The following BRIP1 variants were observed in gnomAD, a reference collection of about 807,000 sequenced individuals.
The protein encoded by BRIP1 is Fanconi anemia group J protein.
BRIP1 carries 88 observed loss-of-function variants against 119.7 expected under a neutral mutation model. The ratio of observed to expected loss-of-function variants is 0.74; its 90% CI spans 0.62 to 0.88. The LOEUF (loss-of-function observed/expected upper bound fraction) is 0.88, where lower values mean the gene tolerates loss of function less well. Ranked by LOEUF, BRIP1 falls within the 40% of genes least tolerant of loss-of-function variation. The pLI, the probability that BRIP1 is intolerant of heterozygous loss-of-function variation, is 0.00. For synonymous variants in BRIP1, 443 were observed against 496.5 expected, an observed-to-expected ratio of 0.89 and a Z score of 1.43; for missense variants, 1,259 against 1,455.4, an observed-to-expected ratio of 0.87 and a Z score of 2.20.
chr17:61,765,518 C>T (rs1408946777), intron 14 of BRIP1, among the ~76,000 whole-genome samples: 2 of 135,904 alleles, frequency 1.5e-5, no homozygotes, highest in African/African-American at 5.6e-5. Context: ...TCACTGCAAC[C>T]TCCGCCTCCT....
At chr17:61,765,352 GTA>G (rs1220237563) in intron 14 of BRIP1, among the ~76,000 whole-genome samples, 2 of 40,896 alleles carry the variant, frequency 4.9e-5, no homozygotes, top group Non-Finnish European at 8.8e-5. Context: ...ACATACATAT[GTA>G]TGTGTGTGTG....
intron 17 of BRIP1, among the ~76,000 whole-genome samples, chr17:61,696,410 ATCT>A (rs922543325): frequency 6.6e-6 from 1 of 152,142 alleles, no homozygotes; most frequent in South Asian, 2.1e-4. Flanking sequence ...TTGCTGTACA[ATCT>A]TCTTTTCTCG....
At position 61,745,815 on chromosome 17, in the gene BRIP1, G is replaced by A. The variant is rs1252372594; in HGVS notation, c.2098-1224C>T. On this transcript the variant is annotated intron_variant, in intron 14 of 19. Coordinates refer to ENST00000259008, the MANE Select transcript of BRIP1 (RefSeq NM_032043.3). This position sits in a 1 kb window ranked among gnomAD's most constrained non-coding sequence, Gnocchi z 4.4. ...GGCAATACATGGAAATACATTTATA[G>A]CTTTAAATATATTTATTTTTAAAAT... Among the ~76,000 whole-genome samples the A allele has an allele frequency of 6.6e-6, 1 of 152,130 alleles. No homozygotes were observed. Among genetic ancestry groups the A allele is most frequent in the East Asian group, 1.9e-4 (1 of 5,208 alleles).
chr17:61,686,154 A>G lies in BRIP1; in HGVS notation c.2587T>C (p.Trp863Arg), dbSNP rs876660452. ...TGGTGCTGAATCTGCTGCCGTACCC[A>G]TTTAGAAAGTCCTAAAGAAAAAGGT... ...PSRYISGLSK[W>R]VRQQIQHHST... The change falls in exon 19 of 20, where the codon TGG (tryptophan) becomes CGG (arginine). Residue 863 changes from tryptophan to arginine, a missense_variant. Transcript: ENST00000259008. This position sits in a 1 kb window ranked among gnomAD's most constrained non-coding sequence, Gnocchi z 5.4. The G allele has an allele frequency of 6.2e-7, 1 of 1,614,080 alleles. No homozygotes were observed. Among genetic ancestry groups the G allele is most frequent in the Non-Finnish European group, 8.5e-7 (1 of 1,179,946 alleles).
rs2145492153 is a variant in BRIP1, at chr17:61,816,724, G to A, written c.628-7967C>T. Among the ~76,000 whole-genome samples the A allele has an allele frequency of 6.8e-6, 1 of 146,612 alleles. No individual in the cohort carries two copies. Among genetic ancestry groups the A allele is most frequent in the South Asian group, 2.2e-4 (1 of 4,508 alleles). On this transcript the variant is annotated intron_variant, in intron 6 of 19. Transcript: ENST00000259008. The surrounding 1 kb of genome is among the most constrained non-coding windows in gnomAD (Gnocchi z 5.0). ...GATGAGTCACACCGATCAACTTCAT[G>A]AGAAAAACCCAGGGTGTTTATAAAA... is the stretch of plus-strand genomic sequence containing the variant.
chr17:61,709,149 CT>C lies in BRIP1; in HGVS notation c.2492+6801del, dbSNP rs1023119529. On this transcript the variant is annotated intron_variant, in intron 17 of 19. Transcript: ENST00000259008. This position sits in a 1 kb window ranked among gnomAD's most constrained non-coding sequence, Gnocchi z 5.0. The stretch of plus-strand genomic sequence containing the variant: ...ATTTTAGATTGCTCCAAATCCTAGG[CT>C]TTTTCATGCATAAATCTGAAAGTGC... Among the ~76,000 whole-genome samples, 1 of 152,102 alleles carries C rather than the reference CT, an allele frequency of 6.6e-6. No individual in the cohort carries two copies. Among genetic ancestry groups the C allele is most frequent in the African/African-American group, 2.4e-5 (1 of 41,412 alleles).
chr17:61,851,028 G>A lies in BRIP1; in HGVS notation c.380-1772C>T, dbSNP rs1307241940. ...GGATCACCTGAGGCCAGGAGTTTGAGACCAGCCTGGCCAACGTGACGAAAG... is the reference window on the plus strand; with the variant it reads ...GGATCACCTGAGGCCAGGAGTTTGAAACCAGCCTGGCCAACGTGACGAAAG... On this transcript the variant is annotated intron_variant, in intron 4 of 19. Transcript: ENST00000259008. This position sits in a 1 kb window ranked among gnomAD's most constrained non-coding sequence, Gnocchi z 4.6. 6.6e-6 allele frequency among the ~76,000 whole-genome samples: 1 copy of A among 152,048 alleles called. No homozygotes were observed. The highest frequency in any genetic ancestry group is 1.9e-4 in the East Asian group (1 of 5,174).
intron 6 of BRIP1, among the ~76,000 whole-genome samples, chr17:61,837,306 G>C (rs971961349): frequency 4.6e-5 from 7 of 151,800 alleles, no homozygotes; most frequent in African/African-American, 1.7e-4. Flanking sequence ...AAAGAAAGAA[G>C]GGTAGGAAGG....
chr17:61,746,606 A>G lies in BRIP1; in HGVS notation c.2098-2015T>C, dbSNP rs1436715410. Among the ~76,000 whole-genome samples the G allele has an allele frequency of 6.6e-6, 1 of 152,130 alleles. No homozygotes were observed. The highest frequency in any genetic ancestry group is 1.9e-4 in the East Asian group (1 of 5,202). ...AAGAGACAAAAAAAAAGGACATTAT[A>G]TAATGATAAATGGGTCAATTCACTG... On this transcript the variant is annotated intron_variant, in intron 14 of 19. Coordinates refer to ENST00000259008, the MANE Select transcript of BRIP1 (RefSeq NM_032043.3). The surrounding 1 kb of genome is among the most constrained non-coding windows in gnomAD (Gnocchi z 4.9).
At position 61,834,024 on chromosome 17, in the gene BRIP1, C is replaced by T. The variant is rs2078532937; in HGVS notation, c.627+13077G>A. On this transcript the variant is annotated intron_variant, in intron 6 of 19. Transcript: ENST00000259008. This position sits in a 1 kb window ranked among gnomAD's most constrained non-coding sequence, Gnocchi z 4.4. Reference sequence around the variant, plus strand: ...AAGTTCCACAGACAATATGTATAAACAAATGTAAAATGCGTTCAAAAAAAC... The same window carrying T: ...AAGTTCCACAGACAATATGTATAAATAAATGTAAAATGCGTTCAAAAAAAC... Among the ~76,000 whole-genome samples, 2 of 151,978 alleles carry T rather than the reference C, an allele frequency of 1.3e-5. No individual in the cohort carries two copies. Among genetic ancestry groups the T allele is most frequent in the African/African-American group, 4.8e-5 (2 of 41,366 alleles).
In BRIP1 at chr17:61,729,829, T is replaced by C. The variant is rs1053459914; in HGVS notation, c.2379+13184A>G. ...AAGATAATGGCAATGTCTAGAGATA[T>C]TTTGGGTTATCACAACTGGTGGCAG... On this transcript the variant is annotated intron_variant, in intron 16 of 19. Transcript: ENST00000259008. This position sits in a 1 kb window ranked among gnomAD's most constrained non-coding sequence, Gnocchi z 5.6. Among the ~76,000 whole-genome samples the C allele has an allele frequency of 2.0e-5, 3 of 151,924 alleles. No homozygotes were observed. Among genetic ancestry groups the C allele is most frequent in the African/African-American group, 7.3e-5 (3 of 41,336 alleles).
At chr17:61,727,721 C>G (rs1247634259) in intron 16 of BRIP1, among the ~76,000 whole-genome samples, 1 of 151,978 alleles carries the variant, frequency 6.6e-6, no homozygotes. Flanking sequence ...CATGATCTCA[C>G]CACTGCATTT....
rs7213672 is a variant in BRIP1, at chr17:61,857,584, C to T, written c.206-353G>A. Among the ~76,000 whole-genome samples, 4,706 of 152,084 alleles carry T rather than the reference C, an allele frequency of 0.031. 240 individuals are homozygous for T. Among genetic ancestry groups the T allele is most frequent in the African/African-American group, 0.11 (4,447 of 41,466 alleles). ...ACTAAAAATACAAAAATTAGCCAGGCGTGGTAGTGCACGCCTGTAATACCA... is the reference window on the plus strand; with the variant it reads ...ACTAAAAATACAAAAATTAGCCAGGTGTGGTAGTGCACGCCTGTAATACCA... On this transcript the variant is annotated intron_variant, in intron 3 of 19. Coordinates refer to ENST00000259008, the MANE Select transcript of BRIP1 (RefSeq NM_032043.3). The surrounding 1 kb of genome is among the most constrained non-coding windows in gnomAD (Gnocchi z 5.1).
chr17:61,813,389 G>A (rs983430233), intron 6 of BRIP1, among the ~76,000 whole-genome samples: 2 of 151,896 alleles, frequency 1.3e-5, no homozygotes, highest in African/African-American at 2.4e-5. Context: ...CTCATTCATC[G>A]AGAGTGGTGT....
chr17:61,801,959 G>T (rs1426409483), intron 7 of BRIP1, among the ~76,000 whole-genome samples: 1 of 151,760 alleles, frequency 6.6e-6, no homozygotes, highest in Non-Finnish European at 1.5e-5. Context: ...TAAATAAGAA[G>T]GAAGGAAGGT....
At chr17:61,781,581 G>A (rs2077619837) in intron 11 of BRIP1, among the ~76,000 whole-genome samples, 1 of 152,116 alleles carries the variant, frequency 6.6e-6, no homozygotes, top group Non-Finnish European at 1.5e-5. Flanking sequence ...ATCCCATCCA[G>A]TGTATAACTG....
rs182987511 is a variant in BRIP1, at chr17:61,827,979, A to G, written c.627+19122T>C. Among the ~76,000 whole-genome samples, 1 of 152,342 alleles carries G rather than the reference A, an allele frequency of 6.6e-6. No individual in the cohort carries two copies. The highest frequency in any genetic ancestry group is 2.4e-5 in the African/African-American group (1 of 41,588). On this transcript the variant is annotated intron_variant, in intron 6 of 19. Coordinates refer to ENST00000259008, the MANE Select transcript of BRIP1 (RefSeq NM_032043.3). The surrounding 1 kb of genome is among the most constrained non-coding windows in gnomAD (Gnocchi z 5.8). ...GATGGAACTGTAAAATGGTACAGCCACTGTGAAAAACAGCTTGGCAGTTCC... is the reference window on the plus strand; with the variant it reads ...GATGGAACTGTAAAATGGTACAGCCGCTGTGAAAAACAGCTTGGCAGTTCC...
chr17:61,765,396 TA>T (rs2077345991), intron 14 of BRIP1, among the ~76,000 whole-genome samples: 6 of 14,958 alleles, frequency 4.0e-4, no homozygotes, highest in Non-Finnish European at 7.7e-4. Flanking sequence ...TATATATATA[TA>T]TATATATATA....
In BRIP1 at chr17:61,808,824, A is replaced by G. The variant is rs1477718638; in HGVS notation, c.628-67T>C. Reference sequence around the variant, plus strand: ...CATAAAAAACGTTATCAAACCTCACATGGAATCAGAACCTGTAAGTAATGA... The same window carrying G: ...CATAAAAAACGTTATCAAACCTCACGTGGAATCAGAACCTGTAAGTAATGA... On this transcript the variant is annotated intron_variant, in intron 6 of 19. Coordinates refer to ENST00000259008, the MANE Select transcript of BRIP1 (RefSeq NM_032043.3). The surrounding 1 kb of genome is among the most constrained non-coding windows in gnomAD (Gnocchi z 4.1). The G allele has an allele frequency of 6.9e-7, 1 of 1,459,386 alleles. No individual in the cohort carries two copies. The highest frequency in any genetic ancestry group is 9.5e-7 in the Non-Finnish European group (1 of 1,055,128). The allele number at this position is 1,459,386 out of a possible 1,614,324, so 90.4% of individuals were successfully genotyped here.
Sources: gnomAD v4.1 joint callset for allele counts (sites outside exome capture counted in the v4.1 genomes callset) on GRCh38, gnomAD v4.1.1 for gene constraint, Gnocchi (gnomAD v3.1) non-coding constraint, MANE v1.5 for transcripts, NCBI Gene and HGNC (gene_info 2026-07-23, HGNC 2026-07-21) for gene names.